The following ART3 variants were observed in gnomAD, a reference collection of about 807,000 sequenced individuals.
The protein encoded by ART3 is ADP-ribosyltransferase 3 (inactive), also known as ecto-ADP-ribosyltransferase 3.
Under a neutral mutation model 48.5 loss-of-function variants are expected in ART3, and 49 were observed. The ratio of observed to expected loss-of-function variants is 1.01; its 90% CI spans 0.80 to 1.28. ART3 has a LOEUF of 1.28. Among genes scored for constraint, ART3 ranks in the 50% most tolerant of loss-of-function variants. ART3 has a pLI of 0.00. For synonymous variants in ART3, 145 were observed against 157.2 expected, an observed-to-expected ratio of 0.92 and a Z score of 0.58; for missense variants, 438 against 454.3, an observed-to-expected ratio of 0.96 and a Z score of 0.33.
chr4:76,069,652 A>G (rs1409983831), intron 1 of ART3, among the ~76,000 whole-genome samples: 3 of 151,964 alleles, frequency 2.0e-5, no homozygotes, highest in African/African-American at 7.2e-5. Context: ...GGCCTCCCAA[A>G]GTCCTGGGAT....
upstream of ART3, among the ~76,000 whole-genome samples, chr4:76,070,980 C>A (rs79740480): frequency 3.3e-5 from 5 of 151,704 alleles, no homozygotes; most frequent in African/African-American, 1.2e-4. Context: ...ATCATTCTAC[C>A]CTCTCTTTGC....
intron 3 of ART3, among the ~76,000 whole-genome samples, chr4:76,088,992 G>T (rs1175772610): frequency 6.6e-6 from 1 of 152,048 alleles, no homozygotes; most frequent in Non-Finnish European, 1.5e-5. Context: ...AAGTATATGT[G>T]AAAATCAATG....
chr4:76,016,202 C>T (rs1367180596), intron 1 of ART3, among the ~76,000 whole-genome samples: 3 of 152,136 alleles, frequency 2.0e-5, no homozygotes, highest in East Asian at 3.9e-4. Flanking sequence ...GTAAGGTTTC[C>T]ACTGAAAAGT....
chr4:76,041,285 C>G (rs1026957026), intron 1 of ART3: 1 of 152,212 alleles, frequency 6.6e-6, no homozygotes, highest in Non-Finnish European at 1.5e-5. Context: ...CCTTCTTTCA[C>G]AGCATCCCCT....
intron 1 of ART3, among the ~76,000 whole-genome samples, chr4:76,052,746 G>T (rs1325148865): frequency 2.3e-5 from 3 of 132,622 alleles, no homozygotes; most frequent in Non-Finnish European, 3.1e-5. Context: ...ACAGAGTCTT[G>T]CTCTGTCATC....
At chr4:76,108,782 G>GTATA (rs1217847534) in intron 11 of ART3, among the ~76,000 whole-genome samples, 4 of 152,176 alleles carry the variant, frequency 2.6e-5, no homozygotes, top group African/African-American at 9.7e-5. Context: ...AGGCTACATG[G>GTATA]TATAGCCTAC....
At chr4:76,040,105 A>C (rs1734801254) in intron 1 of ART3, among the ~76,000 whole-genome samples, 2 of 152,300 alleles carry the variant, frequency 1.3e-5, no homozygotes, top group African/African-American at 4.8e-5. Flanking sequence ...CAGGCGGATC[A>C]CTTGAGGTCA....
intron 2 of ART3, among the ~76,000 whole-genome samples, chr4:76,080,614 G>A (rs550791736): frequency 2.0e-5 from 3 of 152,162 alleles, no homozygotes; most frequent in East Asian, 3.9e-4. Flanking sequence ...GGTTTCAAGC[G>A]ATTCTCCTGC....
At chr4:76,035,737 A>T (rs1734328490) in intron 1 of ART3, among the ~76,000 whole-genome samples, 1 of 152,230 alleles carries the variant, frequency 6.6e-6, no homozygotes, top group Non-Finnish European at 1.5e-5. Flanking sequence ...GAAGTTCATA[A>T]TTTCTAGTTT....
rs774122670 is a variant in ART3, at chr4:76,081,987, C to T, written c.233C>T (p.Ala78Val). The T allele has an allele frequency of 6.2e-6, 10 of 1,614,030 alleles. No homozygotes were observed. The highest frequency in any genetic ancestry group is 8.5e-6 in the Non-Finnish European group (10 of 1,180,032). ...TGGGAAAATGCAAAAGCCAAATGGG[C>T]AGCCCGAAAGACTCAAATCTTTCTC... ...TVWENAKAKW[A>V]ARKTQIFLPM... Residue 78 changes from alanine (A) to valine (V), a missense_variant, in exon 3 of 12, where the codon GCA (alanine) becomes GTA (valine). This residue lies in a region of ART3 where 206 missense variants were observed against 205.3 expected (regional missense o/e 1.00). Transcript: ENST00000355810.
At chr4:76,041,945 C>G (rs1345014312) in intron 1 of ART3, among the ~76,000 whole-genome samples, 1 of 152,164 alleles carries the variant, frequency 6.6e-6, no homozygotes, top group East Asian at 1.9e-4. Flanking sequence ...CAAAAAAGAT[C>G]AGATACATTC....
intron 1 of ART3, among the ~76,000 whole-genome samples, chr4:76,055,870 C>A (rs7677924): frequency 0.59 from 89,112 of 152,026 alleles, 26,971 homozygotes; most frequent in East Asian, 0.94. Context: ...AAATTTCAGA[C>A]CAGCCAATGT....
chr4:76,090,421 T>A (rs1014103230), intron 3 of ART3, among the ~76,000 whole-genome samples: 12 of 152,246 alleles, frequency 7.9e-5, no homozygotes, highest in Non-Finnish European at 1.5e-5. Flanking sequence ...GAGGAAGTCC[T>A]CGTGACCTAC....
intron 1 of ART3, among the ~76,000 whole-genome samples, chr4:76,047,281 G>A (rs1735600616): frequency 6.6e-6 from 1 of 151,940 alleles, no homozygotes; most frequent in Non-Finnish European, 1.5e-5. Flanking sequence ...CTAAGGCTGT[G>A]GCCTTTCTCT....
intron 1 of ART3, among the ~76,000 whole-genome samples, chr4:76,014,053 C>T (rs923332596): frequency 6.6e-6 from 1 of 151,948 alleles, no homozygotes; most frequent in African/African-American, 2.4e-5. Context: ...AAATTAATTT[C>T]CTTCATAATT....
In ART3 at chr4:76,082,213, T is replaced by A. The variant is rs771984471; in HGVS notation, c.459T>A (p.Cys153Ter). The change falls in exon 3 of 12, where the codon TGT becomes TGA. Residue 153 changes from cysteine to a stop codon, truncating the protein, a stop_gained. Coordinates refer to ENST00000355810, the MANE Select transcript of ART3 (RefSeq NM_001130016.3). LOFTEE classifies it high-confidence loss of function. ...TRALQLLRKPCEASSKTVVYR... is the reference protein window; with the variant it reads ...TRALQLLRKP Reference sequence around the variant, plus strand: ...CCCTGCAGTTGCTGAGAAAACCTTGTGAGGCCAGTTCCAAAACTGTGGTAT... The same window carrying A: ...CCCTGCAGTTGCTGAGAAAACCTTGAGAGGCCAGTTCCAAAACTGTGGTAT... 1 of 1,614,196 alleles carries A rather than the reference T, an allele frequency of 6.2e-7. No individual in the cohort carries two copies. Among genetic ancestry groups the A allele is most frequent in the Non-Finnish European group, 8.5e-7 (1 of 1,180,026 alleles).
At chr4:76,060,282 A>G (rs916182166) in intron 1 of ART3, among the ~76,000 whole-genome samples, 12 of 152,198 alleles carry the variant, frequency 7.9e-5, no homozygotes, top group African/African-American at 2.7e-4. Flanking sequence ...TACTGATATC[A>G]TAAGTACATT....
At chr4:76,011,494 G>A (rs1287124679) in intron 1 of ART3, among the ~76,000 whole-genome samples, 2 of 152,226 alleles carry the variant, frequency 1.3e-5, no homozygotes, top group Non-Finnish European at 2.9e-5. Flanking sequence ...GGCCAGCAGG[G>A]AACGACGGCC....
intron 1 of ART3, among the ~76,000 whole-genome samples, chr4:76,069,330 T>C (rs75521057): frequency 0.011 from 1,724 of 151,862 alleles, 39 homozygotes; most frequent in African/African-American, 0.039. Context: ...CTACTTTCTG[T>C]CTGTATAGAT....
Sources: gnomAD v4.1 joint callset for allele counts (sites outside exome capture counted in the v4.1 genomes callset) on GRCh38, gnomAD v4.1.1 for gene constraint, gnomAD v4.1.1 regional missense constraint, MANE v1.5 for transcripts, NCBI Gene and HGNC (gene_info 2026-07-23, HGNC 2026-07-21) for gene names.